Variants in HHIP observed in about 807,000 individuals in gnomAD.
The protein encoded by HHIP is hedgehog interacting protein, also known as hedgehog-interacting protein.
Under a neutral mutation model 74.0 loss-of-function variants are expected in HHIP, and 12 were observed. The observed-to-expected ratio is 0.16, with a 90% CI of 0.10 to 0.26. HHIP has a LOEUF of 0.26. HHIP is among the 10% of genes least tolerant of loss of function. The pLI is 1.00. For missense variants in HHIP, 788 were observed against 845.0 expected, an observed-to-expected ratio of 0.93 and a Z score of 0.84; for synonymous variants, 309 against 311.6, an observed-to-expected ratio of 0.99 and a Z score of 0.09.
At chr4:144,649,095 T>A (rs576014841) in intron 1 of HHIP, among the ~76,000 whole-genome samples, 13 of 152,328 alleles carry the variant, frequency 8.5e-5, no homozygotes, top group African/African-American at 2.9e-4. Flanking sequence ...TTTTAAAACA[T>A]GTTATTTTAT....
chr4:144,730,502 G>C (rs1370180129), intron 11 of HHIP, among the ~76,000 whole-genome samples: 1 of 152,060 alleles, frequency 6.6e-6, no homozygotes, highest in Non-Finnish European at 1.5e-5. Flanking sequence ...TAAAGTGAAG[G>C]TTCCAAAAAT....
intron 4 of HHIP, among the ~76,000 whole-genome samples, chr4:144,669,604 A>G (rs1467723867): frequency 5.3e-5 from 8 of 152,220 alleles, no homozygotes; most frequent in Admixed American, 3.9e-4. Flanking sequence ...TTACTCTATC[A>G]TACCTCTATG....
intron 10 of HHIP, among the ~76,000 whole-genome samples, chr4:144,716,438 T>C (rs1199220363): frequency 6.6e-6 from 1 of 152,130 alleles, no homozygotes; most frequent in East Asian, 1.9e-4. Context: ...GAAAGCAATT[T>C]AAAATTTTTC....
chr4:144,736,005 T>G (rs945424681), intron 12 of HHIP, among the ~76,000 whole-genome samples: 3 of 152,182 alleles, frequency 2.0e-5, no homozygotes, highest in Admixed American at 1.3e-4. Flanking sequence ...TATTTACCCA[T>G]CTTCTCTGTC....
At chr4:144,725,663 CGT>C (rs113672793) in intron 11 of HHIP, among the ~76,000 whole-genome samples, 20,141 of 144,490 alleles carry the variant, frequency 0.14, 2,388 homozygotes, top group East Asian at 0.3. Context: ...TGTGCGCGTG[CGT>C]GTGTGTGTGT....
intron 4 of HHIP, among the ~76,000 whole-genome samples, chr4:144,697,684 C>G (rs1335485780): frequency 6.6e-6 from 1 of 151,962 alleles, no homozygotes; most frequent in Non-Finnish European, 1.5e-5. Context: ...TTAAATTCCA[C>G]TTGACAAATA....
intron 12 of HHIP, among the ~76,000 whole-genome samples, chr4:144,735,585 A>G (rs970228746): frequency 6.6e-6 from 1 of 152,214 alleles, no homozygotes; most frequent in Non-Finnish European, 1.5e-5. Flanking sequence ...AGAAACCTAG[A>G]GTTTAAAATG....
At chr4:144,714,036 T>C (rs991585303) in intron 8 of HHIP, among the ~76,000 whole-genome samples, 189 bp from the exon 9 acceptor site, 1 of 152,204 alleles carries the variant, frequency 6.6e-6, no homozygotes, top group Non-Finnish European at 1.5e-5. Context: ...AAGCTGTACA[T>C]GGATGTCCTT....
intron 2 of HHIP, among the ~76,000 whole-genome samples, chr4:144,657,519 G>A (rs1001938583): frequency 3.9e-5 from 6 of 152,126 alleles, no homozygotes; most frequent in African/African-American, 9.7e-5. Context: ...TGGTAATACC[G>A]TCATATTTTG....
chr4:144,662,661 C>T (rs1462335630), intron 4 of HHIP, among the ~76,000 whole-genome samples: 2 of 152,130 alleles, frequency 1.3e-5, no homozygotes, highest in East Asian at 3.9e-4. Flanking sequence ...ACATGTCAAA[C>T]TGATGAGCAA....
At chr4:144,734,682 T>A (rs892275033) in intron 11 of HHIP, 59 bp from the exon 12 acceptor site, 1 of 1,354,366 alleles carries the variant, frequency 7.4e-7, no homozygotes, top group Non-Finnish European at 1.0e-6. Flanking sequence ...ATCACTAGAT[T>A]TCATTCCACT....
At chr4:144,664,760 T>C (rs534640466) in intron 4 of HHIP, among the ~76,000 whole-genome samples, 30 of 152,338 alleles carry the variant, frequency 2.0e-4, no homozygotes, top group African/African-American at 7.2e-4. Flanking sequence ...AAGCAACAGA[T>C]TATATTTGTT....
At chr4:144,653,071 A>C (rs1728467136) in intron 2 of HHIP, among the ~76,000 whole-genome samples, 1 of 152,134 alleles carries the variant, frequency 6.6e-6, no homozygotes, top group African/African-American at 2.4e-5. Flanking sequence ...TACAGGTGGT[A>C]ATCTTTACAC....
intron 4 of HHIP, among the ~76,000 whole-genome samples, chr4:144,671,204 G>C (rs941438011): frequency 6.6e-6 from 1 of 152,062 alleles, no homozygotes. Flanking sequence ...ATCACCCTGG[G>C]GTTGATCACG....
At chr4:144,731,165 C>T (rs532801314) in intron 11 of HHIP, among the ~76,000 whole-genome samples, 3 of 152,244 alleles carry the variant, frequency 2.0e-5, no homozygotes, top group African/African-American at 7.2e-5. Context: ...TATCCCTCCC[C>T]TGAATGGCCC....
At chr4:144,683,828 G>C (rs1729408515) in intron 4 of HHIP, among the ~76,000 whole-genome samples, 1 of 152,018 alleles carries the variant, frequency 6.6e-6, no homozygotes, top group Non-Finnish European at 1.5e-5. Flanking sequence ...TATTATATCT[G>C]GCTCTTTAAG....
intron 4 of HHIP, among the ~76,000 whole-genome samples, chr4:144,680,649 C>G (rs920907091): frequency 1.3e-5 from 2 of 152,198 alleles, no homozygotes; most frequent in African/African-American, 4.8e-5. Context: ...GTTTGCCATT[C>G]ATTGATGAAT....
intron 5 of HHIP, 105 bp from the exon 6 acceptor site, chr4:144,706,982 C>A: frequency 2.3e-6 from 2 of 887,886 alleles, no homozygotes; most frequent in Non-Finnish European, 1.8e-6. Flanking sequence ...TCCTTATTTA[C>A]TATGTGCCAG....
chr4:144,678,162 G>A (rs1729225692), intron 4 of HHIP, among the ~76,000 whole-genome samples: 1 of 151,904 alleles, frequency 6.6e-6, no homozygotes, highest in Non-Finnish European at 1.5e-5. Flanking sequence ...TATTTATTAG[G>A]GAATCACTGT....
Sources: gnomAD v4.1 joint callset for allele counts (sites outside exome capture counted in the v4.1 genomes callset) on GRCh38, gnomAD v4.1.1 for gene constraint, MANE v1.5 for transcripts, NCBI Gene and HGNC (gene_info 2026-07-23, HGNC 2026-07-21) for gene names.